SMYD3: variants seen among roughly 807,000 people sequenced by gnomAD.
SMYD3 encodes the protein SET and MYND domain containing 3, also known as histone-lysine N-methyltransferase SMYD3.
In SMYD3, 36 loss-of-function variants were observed where a neutral mutation model predicts 57.7. The ratio of observed to expected loss-of-function variants is 0.62; its 90% CI spans 0.48 to 0.82. The LOEUF (loss-of-function observed/expected upper bound fraction) is 0.82. Ranked by LOEUF, SMYD3 falls within the 40% of genes least tolerant of loss-of-function variation. SMYD3 has a pLI of 0.00. For missense variants in SMYD3, 515 were observed against 538.8 expected (o/e 0.96, Z 0.44); for synonymous variants, 211 against 195.0 (o/e 1.08, Z -0.68).
At chr1:245,945,929 G>A (rs1179996675) in intron 5 of SMYD3, among the ~76,000 whole-genome samples, 3 of 152,168 alleles carry the variant, frequency 2.0e-5, no homozygotes, top group African/African-American at 7.2e-5. Flanking sequence ...CATGGACACA[G>A]GGAGGGGAAC....
At chr1:246,377,149 G>T (rs1171555161) in intron 1 of SMYD3, among the ~76,000 whole-genome samples, 1 of 141,266 alleles carries the variant, frequency 7.1e-6, no homozygotes, top group Non-Finnish European at 1.6e-5. Flanking sequence ...CCTATTACAT[G>T]TCAACATATT....
intron 5 of SMYD3, among the ~76,000 whole-genome samples, chr1:245,980,476 C>T (rs2058568495): frequency 6.6e-6 from 1 of 152,212 alleles, no homozygotes; most frequent in South Asian, 2.1e-4. Context: ...AGATGTATTG[C>T]TCAACTCTGC....
intron 5 of SMYD3, among the ~76,000 whole-genome samples, chr1:246,083,251 AG>A (rs2060669685): frequency 6.6e-6 from 1 of 152,242 alleles, no homozygotes; most frequent in Non-Finnish European, 1.5e-5. Flanking sequence ...CTACTGAGAC[AG>A]GGGAAAACCG....
intron 5 of SMYD3, among the ~76,000 whole-genome samples, chr1:246,018,052 G>A (rs558390293): frequency 1.7e-4 from 26 of 152,134 alleles, no homozygotes; most frequent in Middle Eastern, 3.4e-3. Context: ...TTTAAGTAGC[G>A]AACAGTATTT....
chr1:245,792,003 C>A (rs936485509), intron 10 of SMYD3, among the ~76,000 whole-genome samples: 14 of 144,854 alleles, frequency 9.7e-5, no homozygotes, highest in African/African-American at 3.4e-4. Flanking sequence ...ATACGTATTC[C>A]CAAAAGGCTG....
At chr1:246,206,212 TA>T (rs1442875300) in intron 5 of SMYD3, among the ~76,000 whole-genome samples, 1 of 151,820 alleles carries the variant, frequency 6.6e-6, no homozygotes, top group Non-Finnish European at 1.5e-5. Flanking sequence ...AAAATAAATT[TA>T]AAAAAAGAAA....
At chr1:246,503,774 C>A (rs1416155891) in intron 1 of SMYD3, among the ~76,000 whole-genome samples, 2 of 152,022 alleles carry the variant, frequency 1.3e-5, no homozygotes, top group Non-Finnish European at 2.9e-5. Flanking sequence ...ACCAGCCTGA[C>A]TAACATGGTG....
chr1:246,048,982 G>A (rs2060015962), intron 5 of SMYD3, among the ~76,000 whole-genome samples: 1 of 152,112 alleles, frequency 6.6e-6, no homozygotes, highest in African/African-American at 2.4e-5. Flanking sequence ...GACTGGGTTT[G>A]GACTGTGGCA....
intron 5 of SMYD3, among the ~76,000 whole-genome samples, chr1:246,317,025 T>TA (rs902100605): frequency 4.7e-5 from 7 of 149,698 alleles, no homozygotes; most frequent in African/African-American, 9.8e-5. Context: ...AATAAAAATT[T>TA]AAAAAAAAAG....
intron 5 of SMYD3, among the ~76,000 whole-genome samples, chr1:246,263,071 C>A (rs1029127384): frequency 2.6e-5 from 4 of 152,166 alleles, no homozygotes; most frequent in African/African-American, 9.7e-5. Flanking sequence ...TGGGAATGGT[C>A]TTCCAATGTT....
At chr1:246,324,642 C>T (rs2065309448) in intron 5 of SMYD3, among the ~76,000 whole-genome samples, 2 of 151,818 alleles carry the variant, frequency 1.3e-5, no homozygotes, top group Admixed American at 6.6e-5. Context: ...TGCATGTTGA[C>T]CCGCTTTCCA....
intron 5 of SMYD3, among the ~76,000 whole-genome samples, chr1:246,040,763 C>T (rs777720364): frequency 4.6e-5 from 7 of 152,128 alleles, no homozygotes; most frequent in Middle Eastern, 3.2e-3. Flanking sequence ...TCTTATAGAG[C>T]GCTAGAATTT....
chr1:246,002,893 G>T (rs1313386616), intron 5 of SMYD3, among the ~76,000 whole-genome samples: 2 of 152,132 alleles, frequency 1.3e-5, no homozygotes, highest in African/African-American at 4.8e-5. Context: ...GGGATCACAG[G>T]CCTGAGCCTC....
chr1:245,750,092 AT>A (rs962480142), intron 11 of SMYD3, among the ~76,000 whole-genome samples: 8 of 151,678 alleles, frequency 5.3e-5, no homozygotes, highest in East Asian at 1.9e-4. Context: ...GTATTCTCAC[AT>A]TTTTTTTCAT....
chr1:245,818,291 A>T (rs1349344171), intron 10 of SMYD3, among the ~76,000 whole-genome samples: 1 of 152,176 alleles, frequency 6.6e-6, no homozygotes, highest in Admixed American at 6.5e-5. Flanking sequence ...ATCCAGCCAA[A>T]CTAAGCTTCA....
chr1:245,789,869 C>T (rs1461654116), intron 10 of SMYD3, among the ~76,000 whole-genome samples: 2 of 152,194 alleles, frequency 1.3e-5, no homozygotes, highest in African/African-American at 2.4e-5. Context: ...GTGTTGCATC[C>T]ACCTTTGGAA....
At chr1:246,399,830 T>C (rs1262620029) in intron 1 of SMYD3, among the ~76,000 whole-genome samples, 1 of 152,218 alleles carries the variant, frequency 6.6e-6, no homozygotes, top group Admixed American at 6.5e-5. Flanking sequence ...TGTATTAACA[T>C]TGGCTTTCAA....
intron 1 of SMYD3, among the ~76,000 whole-genome samples, chr1:246,488,745 T>C (rs1213197475): frequency 6.6e-6 from 1 of 152,142 alleles, no homozygotes; most frequent in Non-Finnish European, 1.5e-5. Flanking sequence ...GCTGCAAATA[T>C]TCATATAAAA....
At chr1:246,192,192 G>A (rs2062749519) in intron 5 of SMYD3, among the ~76,000 whole-genome samples, 1 of 152,170 alleles carries the variant, frequency 6.6e-6, no homozygotes, top group Non-Finnish European at 1.5e-5. Flanking sequence ...TTGAATACCT[G>A]AGCTCAAGCG....
Sources: gnomAD v4.1 joint callset for allele counts (sites outside exome capture counted in the v4.1 genomes callset) on GRCh38, gnomAD v4.1.1 for gene constraint, MANE v1.5 for transcripts, NCBI Gene and HGNC (gene_info 2026-07-23, HGNC 2026-07-21) for gene names.